Variants in FYCO1 observed in about 807,000 individuals in gnomAD.
FYCO1 encodes the protein FYVE and coiled-coil domain autophagy adaptor 1.
In FYCO1, 122 loss-of-function variants were observed where a neutral mutation model predicts 165.1. That is an observed-to-expected ratio of 0.74 (90% CI 0.64 to 0.86). FYCO1 has a LOEUF of 0.86. Ranked by LOEUF, FYCO1 falls within the 40% of genes least tolerant of loss-of-function variation. FYCO1 has a pLI of 0.00. For missense variants in FYCO1, 1,702 were observed against 1,810.3 expected (o/e 0.94, Z 1.09); for synonymous variants, 648 against 742.5 (o/e 0.87, Z 2.07).
chr3:45,961,195 A>G (rs1705680664), intron 11 of FYCO1, among the ~76,000 whole-genome samples: 1 of 152,210 alleles, frequency 6.6e-6, no homozygotes, highest in African/African-American at 2.4e-5. Context: ...AGGCAATCGG[A>G]AAAATTTGAA....
intron 16 of FYCO1, among the ~76,000 whole-genome samples, chr3:45,924,833 G>A (rs773544686): frequency 6.6e-6 from 1 of 151,708 alleles, no homozygotes; most frequent in African/African-American, 2.4e-5. Flanking sequence ...GGTTGGTATC[G>A]AACTCCTGAC....
rs1387415562 is a variant in FYCO1, at chr3:45,975,176, T to C, written c.395+63A>G. 3 of 1,052,728 alleles carry C rather than the reference T, an allele frequency of 2.8e-6. No individual in the cohort carries two copies. The Admixed American group carries it at 5.1e-5, about 18-fold the overall frequency. The allele number at this position is 1,052,728 out of a possible 1,614,324, so 65.2% of individuals were successfully genotyped here. ...CTACTGTTGCAGCTGTCATTATTATTAATGAACTTTAGTTCATTTCTGCAC... is the reference window on the plus strand; with the variant it reads ...CTACTGTTGCAGCTGTCATTATTATCAATGAACTTTAGTTCATTTCTGCAC... On this transcript the variant is annotated intron_variant, in intron 5 of 17. Coordinates refer to ENST00000296137, the MANE Select transcript of FYCO1 (RefSeq NM_024513.4).
chr3:45,936,055 C>T (rs1242758158), intron 15 of FYCO1, among the ~76,000 whole-genome samples: 1 of 152,100 alleles, frequency 6.6e-6, no homozygotes, highest in Admixed American at 6.5e-5. Flanking sequence ...GACTGGAAGG[C>T]TATATGCCAA....
intron 15 of FYCO1, among the ~76,000 whole-genome samples, chr3:45,934,300 C>A (rs1231618719): frequency 6.6e-6 from 1 of 152,056 alleles, no homozygotes; most frequent in Admixed American, 6.5e-5. Flanking sequence ...CTGAGTGTAC[C>A]CCAAATAGGA....
intron 2 of FYCO1, among the ~76,000 whole-genome samples, chr3:45,984,120 G>A (rs758356621): frequency 1.3e-5 from 2 of 152,166 alleles, no homozygotes; most frequent in Non-Finnish European, 2.9e-5. Flanking sequence ...GTGTCCTAGA[G>A]CTCCGAAGAG....
rs780762933 is a variant in FYCO1 at position 45,979,715 on chromosome 3, G to A, written c.278C>T (p.Ser93Phe). Residue 93 changes from serine (S) to phenylalanine (F), a missense_variant, in exon 4 of 18, where the codon TCT becomes TTT. Transcript: ENST00000296137. ...GANDGIRFVK[S>F]ISELRTSLGK... is the part of the protein sequence containing the mutation. ...GCTTGCTCAGCTTACCTCTGAGATA[G>A]ACTTGACAAAGCGGATCCCATCATT... is the stretch of plus-strand genomic sequence containing the variant. 3.8e-5 allele frequency: 61 copies of A among 1,613,834 alleles called. No individual in the cohort carries two copies. Among genetic ancestry groups the A allele is most frequent in the Non-Finnish European group, 4.7e-5 (55 of 1,179,886 alleles).
intron 5 of FYCO1, among the ~76,000 whole-genome samples, chr3:45,973,936 C>T (rs1187157524): frequency 6.6e-6 from 1 of 152,126 alleles, no homozygotes; most frequent in African/African-American, 2.4e-5. Flanking sequence ...TGGCATGTAC[C>T]TGTAGTCCCA....
chr3:45,932,797 T>C (rs1018934002), intron 15 of FYCO1, among the ~76,000 whole-genome samples: 2 of 152,252 alleles, frequency 1.3e-5, no homozygotes, highest in East Asian at 3.8e-4. Flanking sequence ...CTCCATGTGT[T>C]AAATTTTATT....
chr3:45,944,043 C>T (rs886140478), intron 14 of FYCO1, among the ~76,000 whole-genome samples: 1 of 152,058 alleles, frequency 6.6e-6, no homozygotes, highest in African/African-American at 2.4e-5. Flanking sequence ...AAAATGTGAT[C>T]ATTTTTTCCA....
rs1196648566 is a variant in FYCO1, at chr3:45,949,185, A to T, written c.3944+6064T>A. Reference sequence around the variant, plus strand: ...CCTACTGTTTCATAAACATGCCTAAATGCGTCTACAAGCAGAGTTTTACTG... The same window carrying T: ...CCTACTGTTTCATAAACATGCCTAATTGCGTCTACAAGCAGAGTTTTACTG... On this transcript the variant is annotated intron_variant, in intron 14 of 17. Transcript: ENST00000296137. Among the ~76,000 whole-genome samples the T allele has an allele frequency of 3.3e-5, 5 of 152,138 alleles. No homozygotes were observed. In the East Asian group the frequency reaches 5.8e-4, roughly 18 times the overall value.
chr3:45,978,054 T>C (rs1559465515), intron 4 of FYCO1, among the ~76,000 whole-genome samples: 1 of 152,218 alleles, frequency 6.6e-6, no homozygotes, highest in Non-Finnish European at 1.5e-5. Flanking sequence ...TGTTTTTTGC[T>C]TCTAGAAAGT....
In FYCO1 at chr3:45,993,140, A is replaced by G. The variant is rs1245238971; in HGVS notation, c.-113+2582T>C. 2.0e-5 allele frequency among the ~76,000 whole-genome samples: 3 copies of G among 152,192 alleles called. No individual in the cohort carries two copies. Among genetic ancestry groups the G allele is most frequent in the Non-Finnish European group, 4.4e-5 (3 of 68,036 alleles). ...TCTTTCATCAGAACCACACTGATGTACACATCCTCCAAATGGCATCCGGCC... is the reference window on the plus strand; with the variant it reads ...TCTTTCATCAGAACCACACTGATGTGCACATCCTCCAAATGGCATCCGGCC... On this transcript the variant is annotated intron_variant, in intron 1 of 17. Transcript: ENST00000296137. The surrounding 1 kb of genome is among the most constrained non-coding windows in gnomAD (Gnocchi z 4.4).
chr3:45,982,411 A>G (rs1258314990), intron 2 of FYCO1, among the ~76,000 whole-genome samples: 1 of 152,178 alleles, frequency 6.6e-6, no homozygotes, highest in Non-Finnish European at 1.5e-5. Flanking sequence ...TTGGCCAAAG[A>G]TCATGGGTGG....
rs772740053 is a variant in FYCO1 at position 45,985,038 on chromosome 3, G to C, written c.-112-16C>G. On this transcript the variant is annotated splice_polypyrimidine_tract_variant and intron_variant, in intron 1 of 17. Transcript: ENST00000296137. ...ATGGTGGCACCTGCACAGAGGAAGG[G>C]GAGGCCATGGAGGAAGCAGATACAG... 1.4e-5 allele frequency: 12 copies of C among 838,872 alleles called. No individual in the cohort carries two copies. Among genetic ancestry groups the C allele is most frequent in the Non-Finnish European group, 2.5e-5 (12 of 480,300 alleles). The allele number at this position is 838,872 out of a possible 1,614,324, so 52.0% of individuals were successfully genotyped here.
In FYCO1 at chr3:45,967,967, T is replaced by C; in HGVS notation, c.1367A>G (p.Gln456Arg). 1 of 1,614,118 alleles carries C rather than the reference T, an allele frequency of 6.2e-7. No homozygotes were observed. The highest frequency in any genetic ancestry group is 1.1e-5 in the South Asian group (1 of 91,082). ...CTGTCCCTTCCCAGACAACTCCTCC[T>C]GGAGTGGGGCCATCTCCTTCACCAG... is the stretch of plus-strand genomic sequence containing the variant. ...ERLVKEMAPLQEELSGKGQEA... is the reference protein window; with the variant it reads ...ERLVKEMAPLREELSGKGQEA... Residue 456 changes from glutamine (Q) to arginine (R), a missense_variant, in exon 8 of 18, where the codon CAG (glutamine) becomes CGG (arginine). By Grantham distance (43) the Gln-to-Arg change is conservative. Coordinates refer to ENST00000296137, the MANE Select transcript of FYCO1 (RefSeq NM_024513.4).
intron 1 of FYCO1, among the ~76,000 whole-genome samples, chr3:45,994,045 T>A (rs1707681619): frequency 6.6e-6 from 1 of 152,110 alleles, no homozygotes; most frequent in African/African-American, 2.4e-5. Flanking sequence ...TTATGGGTGA[T>A]TCCTCTCATC....
At chr3:45,931,003 T>G in intron 16 of FYCO1, 68 bp downstream of exon 16, 19 of 1,466,740 alleles carry the variant, frequency 1.3e-5, no homozygotes, top group Non-Finnish European at 1.6e-5. Flanking sequence ...TGCCCTGCTT[T>G]GAGAAAGGCC....
At position 45,921,197 on chromosome 3, in the gene FYCO1, G is replaced by C. The variant is rs1036298035; in HGVS notation, c.*568C>G. 9.0e-5 allele frequency: 17 copies of C among 188,456 alleles called. No individual in the cohort carries two copies. Among genetic ancestry groups the C allele is most frequent in the Non-Finnish European group, 3.4e-5 (3 of 88,974 alleles). 11.7% of individuals were successfully genotyped at this position (188,456 alleles called of 1,614,324 possible). On this transcript the variant is annotated 3_prime_UTR_variant, in exon 18 of 18. Coordinates refer to ENST00000296137, the MANE Select transcript of FYCO1 (RefSeq NM_024513.4). Reference sequence around the variant, plus strand: ...CCTCCAGCTTACTGGGGCAGTGAGGGACAAGAGCATGACTGGAGGAGCTGG... The same window carrying C: ...CCTCCAGCTTACTGGGGCAGTGAGGCACAAGAGCATGACTGGAGGAGCTGG...
intron 17 of FYCO1, among the ~76,000 whole-genome samples, chr3:45,922,774 G>A (rs77688936): frequency 0.015 from 2,242 of 152,292 alleles, 58 homozygotes; most frequent in African/African-American, 0.05. Flanking sequence ...GGATGACTCA[G>A]GTTTTCCCTA....
Sources: gnomAD v4.1 joint callset for allele counts (sites outside exome capture counted in the v4.1 genomes callset) on GRCh38, gnomAD v4.1.1 for gene constraint, Gnocchi (gnomAD v3.1) non-coding constraint, MANE v1.5 for transcripts, NCBI Gene and HGNC (gene_info 2026-07-23, HGNC 2026-07-21) for gene names.